SHISA9: variants seen among roughly 807,000 people sequenced by gnomAD.
SHISA9 encodes the protein protein shisa-9.
SHISA9 carries 13 observed loss-of-function variants against 38.0 expected under a neutral mutation model. The observed-to-expected ratio is 0.34, with a 90% confidence interval of 0.22 to 0.54. The LOEUF (loss-of-function observed/expected upper bound fraction) is 0.54. Ranked by LOEUF, SHISA9 falls within the 20% of genes least tolerant of loss-of-function variation. The probability of loss-of-function intolerance (pLI) is 0.91; values close to 1 mark genes in which losing one functional copy is unlikely to be tolerated. For synonymous variants in SHISA9, 275 were observed against 242.0 expected (o/e 1.14, Z -1.27); for missense variants, 538 against 575.8 (o/e 0.93, Z 0.67).
chr16:13,457,227 A>G, the SHISA9 span, among the ~76,000 whole-genome samples: 1 of 152,112 alleles, frequency 6.6e-6, no homozygotes, highest in Non-Finnish European at 1.5e-5. Flanking sequence ...AGTCGTTTGA[A>G]CCCGGGAGGC....
At chr16:13,368,839 T>C in the SHISA9 span, among the ~76,000 whole-genome samples, 1 of 152,158 alleles carries the variant, frequency 6.6e-6, no homozygotes, top group Non-Finnish European at 1.5e-5. Flanking sequence ...ATTTTACTAA[T>C]ATGTAGCATA....
At chr16:13,314,336 C>G in the SHISA9 span, among the ~76,000 whole-genome samples, 5 of 152,174 alleles carry the variant, frequency 3.3e-5, no homozygotes, top group Admixed American at 6.5e-5. Flanking sequence ...GCCTCAGCCT[C>G]CCGAGTAGCT....
intron 2 of SHISA9, among the ~76,000 whole-genome samples, chr16:13,127,131 G>GGA (rs144271484): frequency 1.4e-5 from 2 of 143,710 alleles, no homozygotes; most frequent in African/African-American, 2.6e-5. Flanking sequence ...AGAGAGGGAG[G>GGA]GAGAGAGAGA....
At chr16:13,037,997 T>C (rs2073094068) in intron 2 of SHISA9, among the ~76,000 whole-genome samples, 1 of 152,182 alleles carries the variant, frequency 6.6e-6, no homozygotes, top group African/African-American at 2.4e-5. Flanking sequence ...TGTTTAATTG[T>C]TTCTTTGTTT....
intron 2 of SHISA9, among the ~76,000 whole-genome samples, chr16:13,087,436 C>G (rs2073725659): frequency 6.6e-6 from 1 of 151,628 alleles, no homozygotes; most frequent in African/African-American, 2.4e-5. Context: ...ATTTACACTC[C>G]CACCAGCAGT....
the SHISA9 span, among the ~76,000 whole-genome samples, chr16:13,302,930 C>T: frequency 6.6e-6 from 1 of 152,154 alleles, no homozygotes; most frequent in Non-Finnish European, 1.5e-5. Flanking sequence ...TCTCTCTCAC[C>T]TGTTGCCGTG....
In SHISA9 at chr16:13,189,289, C is replaced by T. The variant is rs184626728; in HGVS notation, c.692-14105C>T. Among the ~76,000 whole-genome samples, 186 of 152,254 alleles carry T rather than the reference C, an allele frequency of 1.2e-3. 1 individual carries two copies. The highest frequency in any genetic ancestry group is 4.3e-3 in the African/African-American group (180 of 41,548). ...GTGGGCATGGTAGAAGGAAGATGCT[C>T]AAGGCAGAAGGAAGTTTCATTCCAT... is the stretch of plus-strand genomic sequence containing the variant. On this transcript the variant is annotated intron_variant, in intron 2 of 4. Coordinates refer to ENST00000558583, the MANE Select transcript of SHISA9 (RefSeq NM_001145204.3).
At chr16:13,096,526 T>C (rs547307457) in intron 2 of SHISA9, among the ~76,000 whole-genome samples, 72 of 152,296 alleles carry the variant, frequency 4.7e-4, no homozygotes, top group African/African-American at 1.6e-3. Context: ...ATGCTGAAGC[T>C]GAATCTTAAG....
chr16:13,017,712 A>G (rs2072774506), intron 2 of SHISA9, among the ~76,000 whole-genome samples: 1 of 152,184 alleles, frequency 6.6e-6, no homozygotes, highest in African/African-American at 2.4e-5. Flanking sequence ...GAGGTTTAGA[A>G]TAGTTAAGTA....
the SHISA9 span, among the ~76,000 whole-genome samples, chr16:13,329,351 G>A: frequency 6.6e-6 from 1 of 151,998 alleles, no homozygotes; most frequent in Non-Finnish European, 1.5e-5. Flanking sequence ...GTGTGTGTTG[G>A]CATCCTCATC....
the SHISA9 span, among the ~76,000 whole-genome samples, chr16:13,440,449 GAGAA>G: frequency 1.5e-4 from 23 of 152,334 alleles, no homozygotes; most frequent in African/African-American, 4.1e-4. Flanking sequence ...GAGAAGGAAA[GAGAA>G]AGCACCTTGC....
the SHISA9 span, among the ~76,000 whole-genome samples, chr16:13,453,701 G>A: frequency 2.6e-5 from 4 of 152,192 alleles, no homozygotes; most frequent in Admixed American, 6.5e-5. Flanking sequence ...AATGGTTGTT[G>A]TTTTAAGCCA....
intron 2 of SHISA9, among the ~76,000 whole-genome samples, chr16:13,047,172 C>G (rs890608345): frequency 6.6e-6 from 1 of 152,088 alleles, no homozygotes; most frequent in Non-Finnish European, 1.5e-5. Flanking sequence ...TTTAATACCT[C>G]CAGGATCAGT....
the SHISA9 span, among the ~76,000 whole-genome samples, chr16:13,540,304 T>A: frequency 6.6e-6 from 1 of 152,110 alleles, no homozygotes; most frequent in Non-Finnish European, 1.5e-5. Context: ...CAACCTAATT[T>A]GCAACTCCAA....
the SHISA9 span, among the ~76,000 whole-genome samples, chr16:13,550,147 A>G: frequency 6.6e-6 from 1 of 152,156 alleles, no homozygotes. Context: ...CCCCCGAGGC[A>G]GGAGAGAGGT....
intron 2 of SHISA9, among the ~76,000 whole-genome samples, chr16:12,955,025 A>T (rs764463592): frequency 6.6e-6 from 1 of 151,884 alleles, no homozygotes. Context: ...CTTTTAATAG[A>T]TGACAAAACT....
chr16:13,276,909 T>C, the SHISA9 span, among the ~76,000 whole-genome samples: 6 of 152,170 alleles, frequency 3.9e-5, no homozygotes, highest in South Asian at 2.1e-4. Context: ...GCAAAAGCTC[T>C]TCATTTTAAT....
the SHISA9 span, among the ~76,000 whole-genome samples, chr16:13,491,186 T>A: frequency 6.6e-6 from 1 of 152,196 alleles, no homozygotes; most frequent in Non-Finnish European, 1.5e-5. Context: ...CTCTGCTCTC[T>A]TTGTTCTTTG....
intron 2 of SHISA9, among the ~76,000 whole-genome samples, chr16:13,124,628 A>C (rs1249790443): frequency 1.3e-5 from 2 of 152,222 alleles, no homozygotes; most frequent in African/African-American, 4.8e-5. Flanking sequence ...CCTAAAACTT[A>C]TATGGAACCA....
Sources: gnomAD v4.1 joint callset for allele counts (sites outside exome capture counted in the v4.1 genomes callset) on GRCh38, gnomAD v4.1.1 for gene constraint, MANE v1.5 for transcripts, NCBI Gene and HGNC (gene_info 2026-07-23, HGNC 2026-07-21) for gene names.